Variants in TXNL1 observed in about 807,000 individuals in gnomAD.
TXNL1 encodes the protein thioredoxin-like protein 1.
A neutral mutation model predicts 35.5 loss-of-function variants in TXNL1; 14 were observed. That is an observed-to-expected ratio of 0.39 (90% CI 0.26 to 0.62). The LOEUF is 0.62. Among genes scored for constraint, TXNL1 ranks in the 20% least tolerant of loss-of-function variants. TXNL1 has a pLI of 0.47. For missense variants in TXNL1, 263 were observed against 349.7 expected (o/e 0.75, Z 1.98); for synonymous variants, 110 against 115.5 (o/e 0.95, Z 0.31).
intron 7 of TXNL1, chr18:56,610,242 C>T (rs1216063896): frequency 3.3e-5 from 5 of 152,192 alleles, no homozygotes; most frequent in Non-Finnish European, 7.3e-5. Flanking sequence ...TAGCAACTAA[C>T]GCTCTGTACT....
At position 56,599,527 on chromosome 18, in the gene TXNL1, T is replaced by C. The variant is rs2023783823; in HGVS notation, c.*3500A>G. The C allele has an allele frequency of 6.6e-6, 1 of 152,010 alleles. No homozygotes were observed. Among genetic ancestry groups the C allele is most frequent in the Non-Finnish European group, 1.5e-5 (1 of 68,016 alleles). The allele number at this position is 152,010 out of a possible 1,614,324, so 9.4% of individuals were successfully genotyped here. On this transcript the variant is annotated 3_prime_UTR_variant, in exon 8 of 8. Coordinates refer to ENST00000217515, the MANE Select transcript of TXNL1 (RefSeq NM_004786.3). ...TTTTAAAGCTAAATGAGCAAAATAT[T>C]CCTCTAGTTTTTCTTTAGCAGTTCT...
chr18:56,617,910 G>A, intron 4 of TXNL1, 94 bp downstream of exon 4: 1 of 1,453,308 alleles, frequency 6.9e-7, no homozygotes, highest in Non-Finnish European at 9.5e-7. Context: ...GATCATCTGG[G>A]AAGGAGAGAC....
intron 1 of TXNL1, among the ~76,000 whole-genome samples, chr18:56,631,108 A>C (rs1248325967): frequency 1.3e-5 from 2 of 152,104 alleles, no homozygotes; most frequent in Non-Finnish European, 2.9e-5. Context: ...TCAAACTCCT[A>C]GACTCAAGTG....
chr18:56,624,577 A>G (rs896065606), intron 2 of TXNL1, 116 bp from the exon 3 acceptor site: 1 of 1,214,246 alleles, frequency 8.2e-7, no homozygotes, highest in Non-Finnish European at 1.1e-6. Flanking sequence ...CATGTAAAAT[A>G]CTGCATTTTT....
rs1265943518 is a variant in TXNL1 at position 56,601,733 on chromosome 18, T to A, written c.*1294A>T. The A allele has an allele frequency of 6.6e-6, 1 of 152,196 alleles. No individual in the cohort carries two copies. Among genetic ancestry groups the A allele is most frequent in the Non-Finnish European group, 1.5e-5 (1 of 68,032 alleles). 9.4% of individuals were successfully genotyped at this position (152,196 alleles called of 1,614,324 possible). ...ACCATATTCCTAGACAAGAATGCCC[T>A]CAAATGTTTAACTGAATCACAATTT... On this transcript the variant is annotated 3_prime_UTR_variant, in exon 8 of 8. Coordinates refer to ENST00000217515, the MANE Select transcript of TXNL1 (RefSeq NM_004786.3).
At chr18:56,628,831 A>AT (rs1297718257) in intron 1 of TXNL1, among the ~76,000 whole-genome samples, 11 of 152,214 alleles carry the variant, frequency 7.2e-5, no homozygotes, top group African/African-American at 2.7e-4. Flanking sequence ...GAAAAAGCAA[A>AT]TCTAATGCAC....
At chr18:56,608,988 T>G (rs1462255008) in intron 7 of TXNL1, 2 of 151,756 alleles carry the variant, frequency 1.3e-5, no homozygotes, top group Non-Finnish European at 2.9e-5. Flanking sequence ...GAATCAATGC[T>G]CTTCTTACCA....
chr18:56,614,305 C>T, intron 6 of TXNL1, 119 bp downstream of exon 6: 2 of 828,494 alleles, frequency 2.4e-6, no homozygotes, highest in Non-Finnish European at 3.6e-6. Flanking sequence ...ACATTTTACT[C>T]ATTTCAAACT....
intron 1 of TXNL1, among the ~76,000 whole-genome samples, chr18:56,637,349 G>A (rs2024471855): frequency 1.3e-5 from 2 of 152,130 alleles, no homozygotes; most frequent in Admixed American, 1.3e-4. Context: ...GCAGTAGACT[G>A]CTCCAAGTTA....
chr18:56,602,761 C>CAGA lies in TXNL1; in HGVS notation c.*263_*265dup. 2 of 543,786 alleles carry CAGA rather than the reference C, an allele frequency of 3.7e-6. No individual in the cohort carries two copies. The highest frequency in any genetic ancestry group is 4.7e-5 in the South Asian group (2 of 42,530). 33.7% of individuals were successfully genotyped at this position (543,786 alleles called of 1,614,324 possible). A position where few individuals can be genotyped will look rare whatever the true frequency, so the allele number is the denominator to read the frequency against. On this transcript the variant is annotated 3_prime_UTR_variant, in exon 8 of 8. Coordinates refer to ENST00000217515, the MANE Select transcript of TXNL1 (RefSeq NM_004786.3). Reference sequence around the variant, plus strand: ...CAGACACTTAAGTCTCTACTAAAATCAGAAGTTAACCAGTTTTCAAATACA... The same window carrying CAGA: ...CAGACACTTAAGTCTCTACTAAAATCAGAAGAAGTTAACCAGTTTTCAAATACA...
At chr18:56,604,736 C>T (rs2023861374) in intron 7 of TXNL1, among the ~76,000 whole-genome samples, 3 of 152,126 alleles carry the variant, frequency 2.0e-5, no homozygotes, top group Non-Finnish European at 2.9e-5. Context: ...GGACATGCCC[C>T]AATCAATCAT....
At chr18:56,633,983 CAAAAAAAAAA>C (rs71169380) in intron 1 of TXNL1, among the ~76,000 whole-genome samples, 2 of 51,318 alleles carry the variant, frequency 3.9e-5, no homozygotes, top group Non-Finnish European at 6.3e-5. Context: ...GACTCCATCT[CAAAAAAAAAA>C]AAAAAAAAAA....
chr18:56,604,018 C>T (rs2023850618), intron 7 of TXNL1, among the ~76,000 whole-genome samples: 1 of 152,120 alleles, frequency 6.6e-6, no homozygotes, highest in African/African-American at 2.4e-5. Context: ...ATAGCTGGGT[C>T]AACATCATTC....
chr18:56,636,501 C>T (rs956548802), intron 1 of TXNL1, among the ~76,000 whole-genome samples: 1 of 151,990 alleles, frequency 6.6e-6, no homozygotes, highest in African/African-American at 2.4e-5. Flanking sequence ...GATTTGTAAA[C>T]GTAATATAAA....
At chr18:56,621,292 G>A (rs1209545712) in intron 3 of TXNL1, among the ~76,000 whole-genome samples, 4 of 149,264 alleles carry the variant, frequency 2.7e-5, no homozygotes, top group African/African-American at 5.0e-5. Context: ...TGCAACCTCC[G>A]CCTCCTGCAA....
chr18:56,635,571 G>A (rs948345860), intron 1 of TXNL1, among the ~76,000 whole-genome samples: 1 of 152,174 alleles, frequency 6.6e-6, no homozygotes, highest in Non-Finnish European at 1.5e-5. Context: ...AATTCATAGA[G>A]ACAGAAAGCA....
Position 56,624,400 on chromosome 18 carries a change from A to T in TXNL1, c.257T>A (p.Val86Glu), listed in dbSNP as rs1393819253. The T allele has an allele frequency of 6.2e-7, 1 of 1,613,652 alleles. No individual in the cohort carries two copies. Residue 86 changes from valine to glutamate, a missense_variant, in exon 3 of 8, where the codon GTG (valine) becomes GAG (glutamate). By Grantham distance (121) the Val-to-Glu change is moderately radical. Coordinates refer to ENST00000217515, the MANE Select transcript of TXNL1 (RefSeq NM_004786.3). The stretch of plus-strand genomic sequence containing the variant: ...TGCTCCTTGATATTGATCAATTCTC[A>T]CTTTGTTTCGAAAAAACAAAAATGT... ...TPTFLFFRNK[V>E]RIDQYQGADA...
At chr18:56,623,652 TCTAA>T (rs1228292833) in intron 3 of TXNL1, among the ~76,000 whole-genome samples, 2 of 152,290 alleles carry the variant, frequency 1.3e-5, no homozygotes, top group South Asian at 2.1e-4. Context: ...AATGCTGCAT[TCTAA>T]CTATTTATAC....
At chr18:56,607,416 G>A (rs1042578878) in intron 7 of TXNL1, among the ~76,000 whole-genome samples, 7 of 151,704 alleles carry the variant, frequency 4.6e-5, no homozygotes, top group African/African-American at 7.3e-5. Context: ...CTTGGCCTCC[G>A]GAAGTGATGG....
Sources: allele counts gnomAD v4.1 joint callset (sites outside exome capture counted in the v4.1 genomes callset), GRCh38; gene constraint gnomAD v4.1.1; transcripts MANE v1.5; gene names NCBI Gene and HGNC (gene_info 2026-07-23, HGNC 2026-07-21).